MORN5: variants seen among roughly 807,000 people sequenced by gnomAD.
MORN5 encodes MORN repeat containing 5.
Under a neutral mutation model 22.1 loss-of-function variants are expected in MORN5, and 21 were observed. That is an observed-to-expected ratio of 0.95 (90% CI 0.67 to 1.37). The LOEUF (loss-of-function observed/expected upper bound fraction) is 1.37. MORN5 is among the 40% of genes most tolerant of loss of function. The pLI, the probability that MORN5 is intolerant of heterozygous loss-of-function variation, is 0.00. For synonymous variants in MORN5, 73 were observed against 74.0 expected (o/e 0.99, Z 0.07); for missense variants, 211 against 215.1 (o/e 0.98, Z 0.12).
chr9:122,160,079 G>A (rs1327412140), intron 1 of MORN5, 60 bp downstream of exon 1: 1 of 1,495,880 alleles, frequency 6.7e-7, no homozygotes, highest in East Asian at 2.3e-5. Context: ...GAAAAAGACG[G>A]CTTTTTGCTT....
chr9:122,187,046 G>A lies in MORN5; in HGVS notation c.439+12419G>A, dbSNP rs147055428. ...TTCAGTTTCTTCACCTGAAAAAATGGGGACAGAAATAGACCCCCCTTCCAG... is the reference window on the plus strand; with the variant it reads ...TTCAGTTTCTTCACCTGAAAAAATGAGGACAGAAATAGACCCCCCTTCCAG... On this transcript the variant is annotated intron_variant, in intron 4 of 4. Coordinates refer to ENST00000373764, the MANE Select transcript of MORN5 (RefSeq NM_198469.4). 2.7e-3 allele frequency among the ~76,000 whole-genome samples: 410 copies of A among 152,362 alleles called. 2 individuals are homozygous for A. Among genetic ancestry groups the A allele is most frequent in the African/African-American group, 9.4e-3 (391 of 41,580 alleles).
At chr9:122,186,971 G>T (rs1177717536) in intron 4 of MORN5, among the ~76,000 whole-genome samples, 1 of 152,154 alleles carries the variant, frequency 6.6e-6, no homozygotes, top group African/African-American at 2.4e-5. Context: ...TCCCAACTCT[G>T]CCACTCACCA....
At chr9:122,165,395 CAAAAAAAAAAAAAA>C (rs59306308) in intron 1 of MORN5, among the ~76,000 whole-genome samples, 2 of 82,998 alleles carry the variant, frequency 2.4e-5, no homozygotes, top group Non-Finnish European at 4.2e-5. Flanking sequence ...CCCGTCTCTA[CAAAAAAAAAAAAAA>C]AAAAAAAAAA....
intron 2 of MORN5, 126 bp from the exon 3 acceptor site, chr9:122,169,519 A>G: frequency 1.5e-6 from 1 of 665,256 alleles, no homozygotes; most frequent in Non-Finnish European, 2.7e-6. Flanking sequence ...CAACCATAAT[A>G]ATTGTGATAG....
At chr9:122,162,842 G>A (rs1554801099) in intron 1 of MORN5, among the ~76,000 whole-genome samples, 1 of 152,210 alleles carries the variant, frequency 6.6e-6, no homozygotes, top group Non-Finnish European at 1.5e-5. Context: ...CAAGGAGGAA[G>A]TATTACAGAA....
chr9:122,180,282 CT>C (rs938997436), intron 4 of MORN5, among the ~76,000 whole-genome samples: 1,395 of 107,480 alleles, frequency 0.013, 7 homozygotes, highest in Middle Eastern at 0.028. Context: ...ACATTTTCTT[CT>C]TTTTTTTTTT....
intron 4 of MORN5, among the ~76,000 whole-genome samples, chr9:122,199,276 G>A (rs1185611408): frequency 1.3e-5 from 2 of 152,202 alleles, no homozygotes; most frequent in Non-Finnish European, 2.9e-5. Context: ...TTGTTCATCT[G>A]TAAAACGGTG....
intron 4 of MORN5, chr9:122,175,773 C>T (rs1829441199): frequency 1.1e-6 from 1 of 895,304 alleles, no homozygotes; most frequent in Middle Eastern, 5.8e-4. Context: ...GGGAAATTTA[C>T]TCAGTAAGTC....
chr9:122,180,007 G>A (rs1374063374), intron 4 of MORN5, among the ~76,000 whole-genome samples: 1 of 152,232 alleles, frequency 6.6e-6, no homozygotes, highest in African/African-American at 2.4e-5. Context: ...AGCTGGGAAT[G>A]CTTATTGTAC....
intron 1 of MORN5, among the ~76,000 whole-genome samples, chr9:122,162,994 T>TAAA (rs371250859): frequency 4.0e-5 from 6 of 148,414 alleles, no homozygotes; most frequent in Non-Finnish European, 6.0e-5. Context: ...TGTATCTACT[T>TAAA]AAAAAAAAAA....
chr9:122,163,609 C>T lies in MORN5; in HGVS notation c.48-3159C>T, dbSNP rs550514601. On this transcript the variant is annotated intron_variant, in intron 1 of 4. Coordinates refer to ENST00000373764, the MANE Select transcript of MORN5 (RefSeq NM_198469.4). ...AGCATGAGCAATAGCCCAGAGGGCA[C>T]GTATGGAGTAGAGCTGGCAGTTCAG... Among the ~76,000 whole-genome samples, 33 of 152,220 alleles carry T rather than the reference C, an allele frequency of 2.2e-4. No homozygotes were observed. The South Asian group carries it at 5.0e-3, about 23-fold the overall frequency.
intron 4 of MORN5, 196 bp downstream of exon 4, chr9:122,174,823 A>G (rs1481678553): frequency 4.9e-6 from 7 of 1,423,660 alleles, no homozygotes; most frequent in Non-Finnish European, 6.4e-6. Context: ...AGAGTGAGGT[A>G]AAAGCACATT....
intron 1 of MORN5, among the ~76,000 whole-genome samples, chr9:122,160,381 A>T (rs1396480146): frequency 1.3e-5 from 2 of 152,222 alleles, no homozygotes; most frequent in Non-Finnish European, 2.9e-5. Flanking sequence ...ATAAAAACAA[A>T]CACGAAGATT....
chr9:122,174,406 T>A (rs893256530), intron 3 of MORN5, 90 bp from the exon 4 acceptor site: 88 of 1,472,562 alleles, frequency 6.0e-5, no homozygotes, highest in Non-Finnish European at 8.2e-5. Flanking sequence ...GATAGTCACA[T>A]GAGCCACCAG....
At chr9:122,175,605 C>T (rs1004137988) in intron 4 of MORN5, 22 of 958,970 alleles carry the variant, frequency 2.3e-5, no homozygotes, top group Non-Finnish European at 2.6e-5. Context: ...TGCACCCACA[C>T]GCGCACATGC....
chr9:122,191,675 G>A (rs1455942281), intron 4 of MORN5, among the ~76,000 whole-genome samples: 4 of 152,232 alleles, frequency 2.6e-5, no homozygotes, highest in Admixed American at 6.5e-5. Context: ...GCAGGTGTGC[G>A]CAGCCCAAAG....
intron 2 of MORN5, among the ~76,000 whole-genome samples, chr9:122,168,468 C>A (rs1244526145): frequency 6.6e-6 from 1 of 152,196 alleles, no homozygotes; most frequent in African/African-American, 2.4e-5. Flanking sequence ...GGGCCTGACT[C>A]ATGACCTAAA....
chr9:122,179,549 C>T (rs1007120507), intron 4 of MORN5, among the ~76,000 whole-genome samples: 4 of 152,118 alleles, frequency 2.6e-5, no homozygotes, highest in African/African-American at 4.8e-5. Flanking sequence ...AATGCCTTCC[C>T]TCTCTGGGCC....
chr9:122,199,364 C>A (rs984886648), intron 4 of MORN5, among the ~76,000 whole-genome samples: 3 of 152,156 alleles, frequency 2.0e-5, no homozygotes, highest in Non-Finnish European at 2.9e-5. Context: ...TCAGGCACAG[C>A]GGCGAGCTCC....
Sources: gnomAD v4.1 joint callset for allele counts (sites outside exome capture counted in the v4.1 genomes callset) on GRCh38, gnomAD v4.1.1 for gene constraint, MANE v1.5 for transcripts, NCBI Gene and HGNC (gene_info 2026-07-23, HGNC 2026-07-21) for gene names.